Variants in ORC2 observed in about 807,000 individuals in gnomAD.
The protein encoded by ORC2 is origin recognition complex subunit 2.
In ORC2, 37 loss-of-function variants were observed where a neutral mutation model predicts 77.7. That is an observed-to-expected ratio of 0.48 (90% CI 0.37 to 0.63). The LOEUF is 0.63. Among genes scored for constraint, ORC2 ranks in the 20% least tolerant of loss-of-function variants. ORC2 has a pLI of 0.00. For synonymous variants in ORC2, 201 were observed against 229.5 expected, an observed-to-expected ratio of 0.88 and a Z score of 1.12; for missense variants, 557 against 661.9, an observed-to-expected ratio of 0.84 and a Z score of 1.74.
intron 5 of ORC2, among the ~76,000 whole-genome samples, chr2:200,947,045 G>C (rs2041262804): frequency 6.6e-6 from 1 of 151,880 alleles, no homozygotes; most frequent in African/African-American, 2.4e-5. Context: ...CAGAATTACA[G>C]GTGTGTGCCA....
intron 4 of ORC2, among the ~76,000 whole-genome samples, chr2:200,952,812 T>TAAA (rs562917701): frequency 2.2e-5 from 3 of 138,894 alleles, no homozygotes; most frequent in Non-Finnish European, 4.7e-5. Context: ...GCTTAAAAAT[T>TAAA]AAAAAAAAAA....
At chr2:200,924,630 A>G (rs778879516) in intron 13 of ORC2, among the ~76,000 whole-genome samples, 2 of 152,236 alleles carry the variant, frequency 1.3e-5, no homozygotes, top group African/African-American at 2.4e-5. Flanking sequence ...TAGAGACTAT[A>G]TAATACTATT....
intron 5 of ORC2, among the ~76,000 whole-genome samples, chr2:200,947,584 T>C (rs1217583515): frequency 6.6e-6 from 1 of 152,246 alleles, no homozygotes; most frequent in Non-Finnish European, 1.5e-5. Flanking sequence ...TATTATACTT[T>C]TGTTCCTGAC....
intron 17 of ORC2, among the ~76,000 whole-genome samples, chr2:200,912,884 C>T (rs2040575529): frequency 6.6e-6 from 1 of 152,166 alleles, no homozygotes; most frequent in Admixed American, 6.5e-5. Flanking sequence ...GACTAATGTC[C>T]ATCTCCCCCA....
intron 15 of ORC2, among the ~76,000 whole-genome samples, chr2:200,918,470 T>G (rs1399125697): frequency 1.3e-5 from 2 of 151,834 alleles, no homozygotes; most frequent in Non-Finnish European, 2.9e-5. Context: ...GCTTGTTCCC[T>G]CTTTTTTTCT....
rs1382586911 is a variant in ORC2, at chr2:200,916,991, AC to A, written c.1467-3000del. 4.7e-5 allele frequency among the ~76,000 whole-genome samples: 4 copies of A among 85,196 alleles called. No individual in the cohort carries two copies. In the East Asian group the frequency reaches 1.2e-3, roughly 25 times the overall value. The allele number at this position is 85,196 out of a possible 152,430, so 55.9% of individuals were successfully genotyped here. A position where few individuals can be genotyped will look rare whatever the true frequency, so the allele number is the denominator to read the frequency against. On this transcript the variant is annotated intron_variant, in intron 15 of 17. Transcript: ENST00000234296. ...TTACAGGTGTGAGCCACTGTGCCCC[AC>A]CTTTTTTTTTTTTTTTTTTTGAGAC...
chr2:200,955,562 C>T lies in ORC2; in HGVS notation c.238+1839G>A, dbSNP rs1299657212. 2.6e-5 allele frequency among the ~76,000 whole-genome samples: 4 copies of T among 152,050 alleles called. No individual in the cohort carries two copies. In the South Asian group the frequency reaches 8.3e-4, roughly 32 times the overall value. On this transcript the variant is annotated intron_variant, in intron 4 of 17. Coordinates refer to ENST00000234296, the MANE Select transcript of ORC2 (RefSeq NM_006190.5). ...CTCTTGAGAATCTAGAATGGGAGAA[C>T]TGAAAAACCAAATCACTTAACACTG...
In ORC2 at chr2:200,925,522, T is replaced by C. The variant is rs910885371; in HGVS notation, c.1147+314A>G. 5.3e-5 allele frequency among the ~76,000 whole-genome samples: 8 copies of C among 152,266 alleles called. No homozygotes were observed. In the South Asian group the frequency reaches 1.0e-3, roughly 20 times the overall value. On this transcript the variant is annotated intron_variant, in intron 13 of 17. Coordinates refer to ENST00000234296, the MANE Select transcript of ORC2 (RefSeq NM_006190.5). ...TGGGAGGCCAAGGCAGGAGGACTGC[T>C]TGAGCCCAGAAGTTCAAGACTATCC... is the stretch of plus-strand genomic sequence containing the variant.
chr2:200,941,189 T>C, intron 7 of ORC2, 59 bp downstream of exon 7: 1 of 1,404,544 alleles, frequency 7.1e-7, no homozygotes, highest in Non-Finnish European at 9.9e-7. Context: ...TTTCTGGCAA[T>C]TTTTCATCAT....
At chr2:200,943,933 T>C (rs1469341921) in intron 5 of ORC2, among the ~76,000 whole-genome samples, 1 of 152,086 alleles carries the variant, frequency 6.6e-6, no homozygotes, top group African/African-American at 2.4e-5. Flanking sequence ...CTCAACATTC[T>C]AGGCATACTT....
At chr2:200,957,312 TG>T in intron 4 of ORC2, 88 bp downstream of exon 4, 1 of 903,168 alleles carries the variant, frequency 1.1e-6, no homozygotes, top group Non-Finnish European at 1.6e-6. Context: ...AGAACACCAC[TG>T]TTTAACCTAC....
At chr2:200,927,512 C>A (rs1451328035) in intron 11 of ORC2, among the ~76,000 whole-genome samples, 8 of 147,092 alleles carry the variant, frequency 5.4e-5, no homozygotes, top group Non-Finnish European at 9.0e-5. Flanking sequence ...GAAACCCCAT[C>A]TCTACTAAAA....
intron 13 of ORC2, among the ~76,000 whole-genome samples, chr2:200,924,331 A>G (rs2040808404): frequency 2.0e-5 from 3 of 151,964 alleles, no homozygotes; most frequent in African/African-American, 7.3e-5. Flanking sequence ...TGGGTGAGAG[A>G]GCAAGACTGT....
At chr2:200,933,761 C>T (rs1379498829) in intron 10 of ORC2, 115 bp downstream of exon 10, 1 of 562,676 alleles carries the variant, frequency 1.8e-6, no homozygotes, top group East Asian at 2.8e-5. Context: ...ACTTGTGTTT[C>T]ATTTGATCAG....
At chr2:200,946,267 G>C (rs972761224) in intron 5 of ORC2, among the ~76,000 whole-genome samples, 1 of 151,922 alleles carries the variant, frequency 6.6e-6, no homozygotes, top group African/African-American at 2.4e-5. Flanking sequence ...TGGGATTATA[G>C]GTGTGAGCTA....
intron 12 of ORC2, 82 bp from the exon 13 acceptor site, chr2:200,926,014 A>C: frequency 1.7e-6 from 1 of 578,934 alleles, no homozygotes; most frequent in Non-Finnish European, 3.0e-6. Context: ...CTTTTTTTAT[A>C]AATTAAAAAT....
rs2040748978 is a variant in ORC2, at chr2:200,921,055, T to C, written c.1232A>G (p.Gln411Arg). ...RGEKSQQIIG[Q>R]LSSLHNIYLI... is the part of the protein sequence containing the mutation. ...GTAAATGTTATGCAAAGATGACAAC[T>C]GACCAATGATTTGCTGGCTCTTCTC... is the stretch of plus-strand genomic sequence containing the variant. The change falls in exon 14 of 18, where the codon CAG (glutamine) becomes CGG (arginine). Residue 411 changes from glutamine (Q) to arginine (R), a missense_variant. Coordinates refer to ENST00000234296, the MANE Select transcript of ORC2 (RefSeq NM_006190.5). 6.2e-6 allele frequency: 10 copies of C among 1,609,724 alleles called. No individual in the cohort carries two copies. The highest frequency in any genetic ancestry group is 1.3e-5 in the African/African-American group (1 of 74,826).
At chr2:200,963,312 C>CG (rs1207483482) in intron 1 of ORC2, 178 bp downstream of exon 1, 4 of 396,682 alleles carry the variant, frequency 1.0e-5, no homozygotes, top group African/African-American at 4.1e-5. Context: ...GGGCAGCCTG[C>CG]GGGGGGCAGC....
chr2:200,944,527 G>T (rs1461031271), intron 5 of ORC2, among the ~76,000 whole-genome samples: 1 of 151,890 alleles, frequency 6.6e-6, no homozygotes, highest in Non-Finnish European at 1.5e-5. Context: ...AACACCTCTT[G>T]GATGACTCAA....
Sources: allele counts gnomAD v4.1 joint callset (sites outside exome capture counted in the v4.1 genomes callset), GRCh38; gene constraint gnomAD v4.1.1; transcripts MANE v1.5; gene names NCBI Gene and HGNC (gene_info 2026-07-23, HGNC 2026-07-21).